Variants in RNFT2 observed in about 807,000 individuals in gnomAD.
The protein encoded by RNFT2 is ring finger protein, transmembrane 2, also known as E3 ubiquitin-protein ligase RNFT2.
Under a neutral mutation model 53.0 loss-of-function variants are expected in RNFT2, and 36 were observed. The ratio of observed to expected loss-of-function variants is 0.68; its 90% CI spans 0.52 to 0.90. The LOEUF (loss-of-function observed/expected upper bound fraction) is 0.90. Among genes scored for constraint, RNFT2 ranks in the 40% least tolerant of loss-of-function variants. The probability of loss-of-function intolerance (pLI) is 0.00; values close to 1 mark genes in which losing one functional copy is unlikely to be tolerated. For missense variants in RNFT2, 514 were observed against 585.6 expected (o/e 0.88, Z 1.26); for synonymous variants, 260 against 253.2 (o/e 1.03, Z -0.26).
intron 7 of RNFT2, among the ~76,000 whole-genome samples, chr12:116,796,332 C>T (rs749368652): frequency 1.3e-5 from 2 of 152,190 alleles, no homozygotes; most frequent in Non-Finnish European, 2.9e-5. Flanking sequence ...GAACTGATTT[C>T]TCTGAATAAC....
intron 7 of RNFT2, among the ~76,000 whole-genome samples, chr12:116,811,697 ATG>A (rs1228113226): frequency 1.3e-5 from 2 of 152,268 alleles, no homozygotes; most frequent in African/African-American, 4.8e-5. Context: ...GCGTTTGTGC[ATG>A]TGTGTGTCTG....
chr12:116,750,908 A>ATATATTT (rs869162316), intron 4 of RNFT2, among the ~76,000 whole-genome samples: 5 of 70,018 alleles, frequency 7.1e-5, no homozygotes, highest in African/African-American at 2.7e-4. Flanking sequence ...ATATATATAT[A>ATATATTT]TTTTTTTTTG....
chr12:116,776,332 AG>A (rs1416185100), intron 6 of RNFT2, among the ~76,000 whole-genome samples: 1 of 152,174 alleles, frequency 6.6e-6, no homozygotes, highest in Non-Finnish European at 1.5e-5. Context: ...TAAAATGGAA[AG>A]GATAAGTCAG....
rs139294758 is a variant in RNFT2, at chr12:116,835,794, G to A, written c.1033-166G>A. Among the ~76,000 whole-genome samples, 236 of 152,300 alleles carry A rather than the reference G, an allele frequency of 1.5e-3. 1 individual carries two copies. The highest frequency in any genetic ancestry group is 5.1e-3 in the African/African-American group (212 of 41,550). ...CTTGATATTAGGCAACAAGACAAAA[G>A]CCATGCAACACTGTTGGGAAGGAAG... On this transcript the variant is annotated intron_variant, in intron 8 of 10. Coordinates refer to ENST00000257575, the MANE Select transcript of RNFT2 (RefSeq NM_001382266.1).
At chr12:116,827,048 T>G (rs750172779) in intron 7 of RNFT2, among the ~76,000 whole-genome samples, 30 of 151,860 alleles carry the variant, frequency 2.0e-4, no homozygotes, top group Non-Finnish European at 3.7e-4. Context: ...GGTGAAACCC[T>G]GTCTCTACTA....
At chr12:116,744,132 AG>A (rs1871779548) in intron 3 of RNFT2, among the ~76,000 whole-genome samples, 1 of 150,826 alleles carries the variant, frequency 6.6e-6, no homozygotes, top group Admixed American at 6.7e-5. Context: ...AGGCTGAGGA[AG>A]GAGAACCACT....
At chr12:116,844,035 C>T (rs1452138750) in intron 10 of RNFT2, among the ~76,000 whole-genome samples, 1 of 152,088 alleles carries the variant, frequency 6.6e-6, no homozygotes, top group Non-Finnish European at 1.5e-5. Flanking sequence ...GCCAGGGTAC[C>T]CCTGGGGGTT....
At chr12:116,799,921 G>A (rs1190165856) in intron 7 of RNFT2, among the ~76,000 whole-genome samples, 1 of 152,234 alleles carries the variant, frequency 6.6e-6, no homozygotes, top group Non-Finnish European at 1.5e-5. Flanking sequence ...AGTAGGAGTT[G>A]TTTGGGTCAC....
rs4767459 is a variant in RNFT2, at chr12:116,825,208, A to G, written c.883-8584A>G. ...AGTCTCAGAGCTGCTCCCCTTCCAC[A>G]TGTCCTCTTCACTGGGACTCTCCTT... On this transcript the variant is annotated intron_variant, in intron 7 of 10. Transcript: ENST00000257575. Among the ~76,000 whole-genome samples the G allele has an allele frequency of 6.1e-3, 925 of 152,194 alleles. 7 individuals are homozygous for G. Among genetic ancestry groups the G allele is most frequent in the South Asian group, 8.3e-3 (40 of 4,820 alleles).
chr12:116,790,252 C>G (rs931524558), intron 7 of RNFT2, among the ~76,000 whole-genome samples: 1 of 152,146 alleles, frequency 6.6e-6, no homozygotes, highest in Non-Finnish European at 1.5e-5. Context: ...TATTATGAGG[C>G]AATGTGTTAA....
At chr12:116,747,961 C>T (rs1014521814) in intron 3 of RNFT2, among the ~76,000 whole-genome samples, 5 of 152,006 alleles carry the variant, frequency 3.3e-5, no homozygotes, top group African/African-American at 9.7e-5. Flanking sequence ...GAGGCCGAGG[C>T]GGGCAGATCA....
chr12:116,846,466 C>T (rs1161361999), intron 10 of RNFT2, among the ~76,000 whole-genome samples: 9 of 72,204 alleles, frequency 1.2e-4, no homozygotes, highest in Non-Finnish European at 2.5e-4. Context: ...ACATATGGGG[C>T]ATGGGGGTGG....
rs762013507 is a variant in RNFT2 at position 116,743,213 on chromosome 12, T to TAAAAAAAAAAAAAAAAAAAAAAAAA, written c.83+2126_83+2150dup. ...TGATTAATAGATACCAGGTAGAATC[T>TAAAAAAAAAAAAAAAAAAAAAAAAA]AAAAAAAAAAAAAAAAAAAAAAAAA... is the stretch of plus-strand genomic sequence containing the variant. On this transcript the variant is annotated intron_variant, in intron 3 of 10. Transcript: ENST00000257575. Among the ~76,000 whole-genome samples the TAAAAAAAAAAAAAAAAAAAAAAAAA allele has an allele frequency of 3.8e-3, 41 of 10,684 alleles. 12 individuals are homozygous for TAAAAAAAAAAAAAAAAAAAAAAAAA. Among genetic ancestry groups the TAAAAAAAAAAAAAAAAAAAAAAAAA allele is most frequent in the Admixed American group, 0.012 (6 of 504 alleles). The allele number at this position is 10,684 out of a possible 152,430, so 7.0% of individuals were successfully genotyped here.
chr12:116,739,113 G>A (rs1871468379), intron 1 of RNFT2, among the ~76,000 whole-genome samples: 9 of 152,120 alleles, frequency 5.9e-5, no homozygotes, highest in Admixed American at 5.9e-4. Context: ...TCATTCAACA[G>A]CCAATAATCG....
At chr12:116,844,777 A>C (rs949019987) in intron 10 of RNFT2, among the ~76,000 whole-genome samples, 3 of 152,182 alleles carry the variant, frequency 2.0e-5, no homozygotes, top group African/African-American at 7.2e-5. Flanking sequence ...GCTATTTCCC[A>C]TTCACTTAAC....
chr12:116,836,107 G>C, intron 9 of RNFT2, 74 bp from the exon 10 acceptor site: 1 of 1,600,198 alleles, frequency 6.2e-7, no homozygotes. Flanking sequence ...TCAGCCCACA[G>C]ATCTCACAGT....
At position 116,850,671 on chromosome 12, in the gene RNFT2, A is replaced by G. The variant is rs1005787187; in HGVS notation, c.*1223A>G. On this transcript the variant is annotated 3_prime_UTR_variant, in exon 11 of 11. Transcript: ENST00000257575. Reference sequence around the variant, plus strand: ...GAGACAGAGTCTTGCTCTGTTGCCCAGGCTGGAGTGCAATAGCACGATCTT... The same window carrying G: ...GAGACAGAGTCTTGCTCTGTTGCCCGGGCTGGAGTGCAATAGCACGATCTT... 1.4e-5 allele frequency: 2 copies of G among 139,076 alleles called. No homozygotes were observed. The highest frequency in any genetic ancestry group is 3.0e-5 in the Non-Finnish European group (2 of 65,674). The allele number at this position is 139,076 out of a possible 1,614,324, so 8.6% of individuals were successfully genotyped here.
chr12:116,780,744 C>T (rs772055625), intron 7 of RNFT2, among the ~76,000 whole-genome samples: 1 of 151,996 alleles, frequency 6.6e-6, no homozygotes, highest in Non-Finnish European at 1.5e-5. Flanking sequence ...CCTAAGATGC[C>T]TCCCATTGAC....
At chr12:116,821,319 C>T (rs117028867) in intron 7 of RNFT2, among the ~76,000 whole-genome samples, 2,914 of 152,164 alleles carry the variant, frequency 0.019, 51 homozygotes, top group Middle Eastern at 0.034. Flanking sequence ...CCTGGCCGGG[C>T]GCTGCTGTGA....
Sources: gnomAD v4.1 joint callset for allele counts (sites outside exome capture counted in the v4.1 genomes callset) on GRCh38, gnomAD v4.1.1 for gene constraint, MANE v1.5 for transcripts, NCBI Gene and HGNC (gene_info 2026-07-23, HGNC 2026-07-21) for gene names.